Variants in ETV6 observed in about 807,000 individuals in gnomAD.
ETV6 encodes transcription factor ETV6.
A neutral mutation model predicts 51.1 loss-of-function variants in ETV6; 16 were observed. That is an observed-to-expected ratio of 0.31 (90% CI 0.21 to 0.48). The LOEUF is 0.48. Ranked by LOEUF, ETV6 falls within the 20% of genes least tolerant of loss-of-function variation. ETV6 has a pLI of 0.99. For synonymous variants in ETV6, 240 were observed against 224.1 expected, an observed-to-expected ratio of 1.07 and a Z score of -0.64; for missense variants, 458 against 594.8, an observed-to-expected ratio of 0.77 and a Z score of 2.39.
intron 4 of ETV6, among the ~76,000 whole-genome samples, chr12:11,861,013 G>A (rs531896854): frequency 2.4e-4 from 36 of 152,244 alleles, no homozygotes; most frequent in African/African-American, 8.4e-4. Context: ...CTCAGAACAC[G>A]GCCTGTTTGG....
intron 2 of ETV6, among the ~76,000 whole-genome samples, chr12:11,837,658 A>G (rs1946335509): frequency 6.6e-6 from 1 of 152,212 alleles, no homozygotes; most frequent in Non-Finnish European, 1.5e-5. Context: ...CACTTTTATA[A>G]CACACTTGTG....
rs762610106 is a variant in ETV6, at chr12:11,853,537, A to T, written c.439A>T (p.Ile147Leu). The T allele has an allele frequency of 1.9e-6, 3 of 1,614,250 alleles. No homozygotes were observed. The South Asian group carries it at 3.3e-5, about 18-fold the overall frequency. The change falls in exon 4 of 8, where the codon ATA becomes TTA. Residue 147 changes from isoleucine (I) to leucine (L), a missense_variant. Transcript: ENST00000396373. ...GNSIHTQPEV[I>L]LHQNHEEDNC... Reference sequence around the variant, plus strand: ...CTCTATACACACACAGCCGGAGGTCATACTGCATCAGAACCATGAAGAAGG... The same window carrying T: ...CTCTATACACACACAGCCGGAGGTCTTACTGCATCAGAACCATGAAGAAGG...
At chr12:11,736,804 C>T (rs921452390) in intron 1 of ETV6, among the ~76,000 whole-genome samples, 1 of 152,168 alleles carries the variant, frequency 6.6e-6, no homozygotes, top group Non-Finnish European at 1.5e-5. Context: ...CAAACTTCAT[C>T]AGTAAGTCAG....
chr12:11,669,538 G>A (rs1038645055), intron 1 of ETV6, among the ~76,000 whole-genome samples: 2 of 151,702 alleles, frequency 1.3e-5, no homozygotes, highest in Admixed American at 6.6e-5. Context: ...TCCCAGGCTC[G>A]CCTGCTTTTC....
intron 1 of ETV6, among the ~76,000 whole-genome samples, chr12:11,711,413 C>A (rs1865168723): frequency 6.6e-6 from 1 of 152,178 alleles, no homozygotes; most frequent in Non-Finnish European, 1.5e-5. Context: ...TTCTATATTT[C>A]ATTTGTGGAG....
At chr12:11,859,118 G>GCCTT (rs1565555150) in intron 4 of ETV6, among the ~76,000 whole-genome samples, 9 of 41,794 alleles carry the variant, frequency 2.2e-4, no homozygotes, top group African/African-American at 5.6e-4. Flanking sequence ...ATATGAATCT[G>GCCTT]GTTTTTTTTT....
intron 1 of ETV6, among the ~76,000 whole-genome samples, chr12:11,656,171 T>C (rs973654477): frequency 6.6e-6 from 1 of 152,182 alleles, no homozygotes; most frequent in Non-Finnish European, 1.5e-5. Flanking sequence ...CAGCTCTCTA[T>C]GGATGCAGTT....
chr12:11,657,124 G>A (rs1408677118), intron 1 of ETV6, among the ~76,000 whole-genome samples: 2 of 152,148 alleles, frequency 1.3e-5, no homozygotes, highest in Non-Finnish European at 2.9e-5. Flanking sequence ...CAAATGTAGG[G>A]AAAGAAACAG....
At chr12:11,862,028 A>C (rs1436574222) in intron 4 of ETV6, among the ~76,000 whole-genome samples, 4 of 151,922 alleles carry the variant, frequency 2.6e-5, no homozygotes, top group Admixed American at 2.0e-4. Context: ...ATGTGCATGT[A>C]CTCTCTGTAC....
At chr12:11,725,780 C>G (rs1296379464) in intron 1 of ETV6, among the ~76,000 whole-genome samples, 1 of 152,150 alleles carries the variant, frequency 6.6e-6, no homozygotes, top group Non-Finnish European at 1.5e-5. Flanking sequence ...GGTACCTCCC[C>G]CTGCCTCTCT....
At chr12:11,764,024 G>T (rs1453188787) in intron 2 of ETV6, among the ~76,000 whole-genome samples, 2 of 152,194 alleles carry the variant, frequency 1.3e-5, no homozygotes, top group Admixed American at 1.3e-4. Context: ...AATGACCAGG[G>T]TGCCTGAAAT....
intron 1 of ETV6, among the ~76,000 whole-genome samples, chr12:11,663,936 C>T (rs1864148500): frequency 6.6e-6 from 1 of 152,190 alleles, no homozygotes; most frequent in Non-Finnish European, 1.5e-5. Context: ...TATGAATCAA[C>T]CAAACTTCAA....
chr12:11,814,777 A>G (rs1945966757), intron 2 of ETV6, among the ~76,000 whole-genome samples: 1 of 152,206 alleles, frequency 6.6e-6, no homozygotes, highest in Admixed American at 6.5e-5. Flanking sequence ...AAGGGTACAG[A>G]TGTCTAGGAA....
chr12:11,757,083 G>T (rs747308359), intron 2 of ETV6, among the ~76,000 whole-genome samples: 3 of 152,062 alleles, frequency 2.0e-5, no homozygotes, highest in Non-Finnish European at 4.4e-5. Context: ...TGATGTTGCA[G>T]GTTAATAAAT....
intron 2 of ETV6, among the ~76,000 whole-genome samples, chr12:11,789,380 A>G (rs1481738969): frequency 6.6e-6 from 1 of 152,000 alleles, no homozygotes; most frequent in Non-Finnish European, 1.5e-5. Flanking sequence ...TCACTAATTC[A>G]TCCGCCCTGC....
intron 2 of ETV6, among the ~76,000 whole-genome samples, chr12:11,768,679 T>C (rs1945198057): frequency 6.6e-6 from 1 of 152,214 alleles, no homozygotes; most frequent in African/African-American, 2.4e-5. Context: ...AACTTTCCGT[T>C]GTGGAAAATA....
intron 1 of ETV6, among the ~76,000 whole-genome samples, chr12:11,728,397 A>G (rs1591635320): frequency 6.6e-6 from 1 of 152,100 alleles, no homozygotes; most frequent in Non-Finnish European, 1.5e-5. Flanking sequence ...GAGCATTACC[A>G]CCTGAGCTCC....
chr12:11,787,615 A>G lies in ETV6; in HGVS notation c.163+35036A>G, dbSNP rs551736014. 3.3e-5 allele frequency among the ~76,000 whole-genome samples: 5 copies of G among 151,346 alleles called. 1 individual carries two copies. The South Asian group carries it at 1.0e-3, about 31-fold the overall frequency. On this transcript the variant is annotated intron_variant, in intron 2 of 7. Transcript: ENST00000396373. ...AGACTCACTCCTTGTTTTGCAGGTG[A>G]GTAAGGTGGGTCAGAGAGGTTAGGC...
At chr12:11,680,635 A>G (rs963875801) in intron 1 of ETV6, among the ~76,000 whole-genome samples, 23 of 152,178 alleles carry the variant, frequency 1.5e-4, no homozygotes, top group African/African-American at 5.3e-4. Context: ...AAAATGATGA[A>G]CTGTCCCTAT....
Sources: allele counts gnomAD v4.1 joint callset (sites outside exome capture counted in the v4.1 genomes callset), GRCh38; gene constraint gnomAD v4.1.1; transcripts MANE v1.5; gene names NCBI Gene and HGNC (gene_info 2026-07-23, HGNC 2026-07-21).